The following PRKN variants were observed in gnomAD, a reference collection of about 807,000 sequenced individuals.
PRKN encodes the protein parkin RBR E3 ubiquitin protein ligase.
Under a neutral mutation model 59.5 loss-of-function variants are expected in PRKN, and 56 were observed. The ratio of observed to expected loss-of-function variants is 0.94; its 90% confidence interval spans 0.76 to 1.18. The LOEUF (loss-of-function observed/expected upper bound fraction) is 1.18, where lower values mean the gene tolerates loss of function less well. PRKN is among the 50% of genes most tolerant of loss of function. The probability of loss-of-function intolerance (pLI) is 0.00; values close to 1 mark genes in which losing one functional copy is unlikely to be tolerated. For synonymous variants in PRKN, 250 were observed against 222.1 expected (o/e 1.13, Z -1.12); for missense variants, 657 against 596.4 (o/e 1.10, Z -1.06).
chr6:161,858,878 T>TTTTTTTTTTTTG (rs71004066), intron 6 of PRKN, among the ~76,000 whole-genome samples: 2 of 145,118 alleles, frequency 1.4e-5, no homozygotes, highest in African/African-American at 2.6e-5. Context: ...TTTTTTTTTT[T>TTTTTTTTTTTTG]GAGACAGAGG....
chr6:161,676,625 G>A (rs565141797), intron 7 of PRKN, among the ~76,000 whole-genome samples: 1 of 152,312 alleles, frequency 6.6e-6, no homozygotes, highest in East Asian at 1.9e-4. Flanking sequence ...GAGTAGCTGG[G>A]ACAGAGACCC....
At chr6:162,473,628 A>G (rs543583462) in intron 1 of PRKN, among the ~76,000 whole-genome samples, 2 of 152,318 alleles carry the variant, frequency 1.3e-5, no homozygotes, top group South Asian at 4.1e-4. Flanking sequence ...AATAATCAAT[A>G]TAGGAGGTAT....
intron 1 of PRKN, among the ~76,000 whole-genome samples, chr6:162,540,807 C>A (rs868716541): frequency 7.7e-3 from 968 of 126,050 alleles, no homozygotes; most frequent in Non-Finnish European, 1.0e-2. Context: ...AACTCTGGCT[C>A]AAAAAAAAAA....
intron 6 of PRKN, among the ~76,000 whole-genome samples, chr6:161,941,876 T>C (rs1779581316): frequency 6.6e-6 from 1 of 152,052 alleles, no homozygotes; most frequent in Non-Finnish European, 1.5e-5. Flanking sequence ...GGAAAGATCA[T>C]GTGAAAAAAG....
intron 2 of PRKN, among the ~76,000 whole-genome samples, chr6:162,302,310 C>G (rs1017018160): frequency 1.3e-5 from 2 of 150,822 alleles, no homozygotes; most frequent in African/African-American, 5.0e-5. Context: ...GATGGTATGT[C>G]ACTCTTATTG....
At chr6:161,814,440 G>A (rs928288794) in intron 6 of PRKN, among the ~76,000 whole-genome samples, 12 of 152,198 alleles carry the variant, frequency 7.9e-5, no homozygotes, top group African/African-American at 2.2e-4. Flanking sequence ...AGCAGAAGGC[G>A]AAAGAGGAGC....
At chr6:162,349,019 A>AT (rs1449489543) in intron 2 of PRKN, among the ~76,000 whole-genome samples, 2 of 152,200 alleles carry the variant, frequency 1.3e-5, no homozygotes, top group Non-Finnish European at 2.9e-5. Flanking sequence ...AAATGGACAA[A>AT]TTCTTTGAAA....
intron 2 of PRKN, among the ~76,000 whole-genome samples, chr6:162,352,340 C>T (rs1441363122): frequency 1.3e-5 from 2 of 152,144 alleles, no homozygotes; most frequent in African/African-American, 4.8e-5. Context: ...GTGAGTCAAA[C>T]CGCAGGACTG....
intron 1 of PRKN, chr6:162,727,251 C>T (rs563214378): frequency 7.5e-4 from 167 of 224,150 alleles, no homozygotes; most frequent in African/African-American, 3.8e-3. Flanking sequence ...CTCGATGGGT[C>T]CTGAACCGCA....
intron 7 of PRKN, among the ~76,000 whole-genome samples, chr6:161,646,075 G>C (rs1468996901): frequency 2.1e-4 from 19 of 91,670 alleles, no homozygotes; most frequent in African/African-American, 4.0e-4. Context: ...TGACAGTGGT[G>C]ACTGCGTGTG....
At chr6:162,320,308 T>C (rs756646312) in intron 2 of PRKN, among the ~76,000 whole-genome samples, 2 of 143,996 alleles carry the variant, frequency 1.4e-5, no homozygotes, top group East Asian at 2.0e-4. Context: ...GATTTTTCCT[T>C]TGGGTAGATA....
chr6:161,546,382 T>A lies in PRKN; in HGVS notation c.1083+2472A>T, dbSNP rs953340896. 6.6e-6 allele frequency among the ~76,000 whole-genome samples: 1 copy of A among 152,158 alleles called. No individual in the cohort carries two copies. The highest frequency in any genetic ancestry group is 1.5e-5 in the Non-Finnish European group (1 of 68,026). On this transcript the variant is annotated intron_variant, in intron 9 of 11. Transcript: ENST00000366898. This position sits in a 1 kb window ranked among gnomAD's most constrained non-coding sequence, Gnocchi z 4.4. ...CACCCTTTTTAAATCACTGTGGAAT[T>A]CCTTTAGCATTCAAGTTAGGTGAAT...
Position 161,685,272 on chromosome 6 carries a change from A to G in PRKN, c.871+100500T>C, listed in dbSNP as rs539565712. On this transcript the variant is annotated intron_variant, in intron 7 of 11. Coordinates refer to ENST00000366898, the MANE Select transcript of PRKN (RefSeq NM_004562.3). Reference sequence around the variant, plus strand: ...ATTGTGCAAATTCTCATCGGCCACAAACGTTCTGCTCACATGTACCAGATG... The same window carrying G: ...ATTGTGCAAATTCTCATCGGCCACAGACGTTCTGCTCACATGTACCAGATG... Among the ~76,000 whole-genome samples the G allele has an allele frequency of 2.1e-4, 32 of 152,306 alleles. No homozygotes were observed. The South Asian group carries it at 6.6e-3, about 32-fold the overall frequency.
chr6:161,778,432 GC>G, intron 7 of PRKN, among the ~76,000 whole-genome samples: 1 of 152,112 alleles, frequency 6.6e-6, no homozygotes, highest in Non-Finnish European at 1.5e-5. Context: ...GGAACCGATG[GC>G]TTTAGGGATA....
In PRKN at chr6:161,497,348, C is replaced by T. The variant is rs925870483; in HGVS notation, c.1083+51506G>A. 1.3e-5 allele frequency among the ~76,000 whole-genome samples: 2 copies of T among 152,194 alleles called. No individual in the cohort carries two copies. The highest frequency in any genetic ancestry group is 4.8e-5 in the African/African-American group (2 of 41,462). On this transcript the variant is annotated intron_variant, in intron 9 of 11. Coordinates refer to ENST00000366898, the MANE Select transcript of PRKN (RefSeq NM_004562.3). This position sits in a 1 kb window ranked among gnomAD's most constrained non-coding sequence, Gnocchi z 4.6. ...AAGAAAGAGAGACATCATCATTCAG[C>T]TCTCACAGACATTCCTCCTTCAAAA...
In PRKN at chr6:161,463,902, A is replaced by G. The variant is rs182125103; in HGVS notation, c.1084-77025T>C. Among the ~76,000 whole-genome samples the G allele has an allele frequency of 6.6e-6, 1 of 152,342 alleles. No homozygotes were observed. The highest frequency in any genetic ancestry group is 1.9e-4 in the East Asian group (1 of 5,174). ...ACTTATATTTAAGATACTGTACTCC[A>G]TAGAGCTAGGATGGTAGACATCAAC... On this transcript the variant is annotated intron_variant, in intron 9 of 11. Transcript: ENST00000366898. The surrounding 1 kb of genome is among the most constrained non-coding windows in gnomAD (Gnocchi z 4.8).
intron 7 of PRKN, among the ~76,000 whole-genome samples, chr6:161,572,193 A>G (rs1478257394): frequency 6.6e-6 from 1 of 152,192 alleles, no homozygotes; most frequent in East Asian, 1.9e-4. Flanking sequence ...GTTATTTCCA[A>G]TTCCAAAATT....
At chr6:162,373,811 T>C (rs1044071116) in intron 2 of PRKN, among the ~76,000 whole-genome samples, 6 of 152,114 alleles carry the variant, frequency 3.9e-5, no homozygotes, top group Admixed American at 3.3e-4. Context: ...TAGAGTTTAA[T>C]TGAGTAAAGT....
chr6:162,493,907 C>T (rs564081349), intron 1 of PRKN, among the ~76,000 whole-genome samples: 1 of 152,284 alleles, frequency 6.6e-6, no homozygotes, highest in African/African-American at 2.4e-5. Flanking sequence ...CTGGACTTCC[C>T]CATTTGTGAG....
Sources: allele counts gnomAD v4.1 joint callset (sites outside exome capture counted in the v4.1 genomes callset), GRCh38; gene constraint gnomAD v4.1.1; non-coding constraint Gnocchi (gnomAD v3.1); transcripts MANE v1.5; gene names NCBI Gene and HGNC (gene_info 2026-07-23, HGNC 2026-07-21).